MSN: variants seen among roughly 807,000 people sequenced by gnomAD.
MSN encodes epididymis luminal protein 70.
A neutral mutation model predicts 48.0 loss-of-function variants in MSN; 2 were observed. The ratio of observed to expected loss-of-function variants is 0.04; its 90% CI spans 0.02 to 0.13. The LOEUF (loss-of-function observed/expected upper bound fraction) is 0.13. Ranked by LOEUF, MSN falls within the 10% of genes least tolerant of loss-of-function variation. MSN has a pLI of 1.00. For missense variants in MSN, 267 were observed against 470.1 expected, an observed-to-expected ratio of 0.57 and a Z score of 3.99; for synonymous variants, 146 against 166.9, an observed-to-expected ratio of 0.87 and a Z score of 0.97.
chrX:65,691,101 G>A (rs1374081956), intron 1 of MSN, among the ~76,000 whole-genome samples: 1 of 111,070 alleles, frequency 9.0e-6, no homozygotes, highest in African/African-American at 3.3e-5. Context: ...AAGGTAACTG[G>A]GAGCTTTAGG....
Position 65,639,256 on chromosome X carries a change from G to A in MSN, c.-22+50644G>A, listed in dbSNP as rs189071952. ...CTTCCCAGGTTCAAGCAATCCTCCT[G>A]CCTCAGCCTTCTGAGTAGCTGGGAT... On this transcript the variant is annotated intron_variant, in intron 1 of 3. Transcript: ENST00000609672. Among the ~76,000 whole-genome samples the A allele has an allele frequency of 2.7e-5, 3 of 111,282 alleles. 1 individual carries two copies. Among genetic ancestry groups the A allele is most frequent in the African/African-American group, 9.8e-5 (3 of 30,593 alleles).
intron 1 of MSN, among the ~76,000 whole-genome samples, chrX:65,641,138 C>T (rs2070646397): frequency 9.0e-6 from 1 of 110,680 alleles, no homozygotes; most frequent in East Asian, 2.8e-4. Flanking sequence ...TGGCATAAGA[C>T]AGAAATAATA....
chrX:65,683,437 C>T (rs2071078592), intron 1 of MSN, among the ~76,000 whole-genome samples: 1 of 106,014 alleles, frequency 9.4e-6, no homozygotes. Context: ...CCACCACCAC[C>T]ACCACCCAGG....
chrX:65,622,675 C>G (rs956408354), intron 1 of MSN, among the ~76,000 whole-genome samples: 1 of 109,309 alleles, frequency 9.1e-6, no homozygotes, highest in East Asian at 2.9e-4. Flanking sequence ...CACCCCTACA[C>G]CCAGCTAGTT....
In MSN at chrX:65,740,622, G is replaced by C. The variant is rs1042722593; in HGVS notation, c.*729G>C. 27 of 172,027 alleles carry C rather than the reference G, an allele frequency of 1.6e-4. 1 individual carries two copies. Among genetic ancestry groups the C allele is most frequent in the Non-Finnish European group, 2.2e-5 (2 of 90,314 alleles). 14.2% of individuals were successfully genotyped at this position (172,027 alleles called of 1,213,427 possible). On this transcript the variant is annotated 3_prime_UTR_variant, in exon 13 of 13. Coordinates refer to ENST00000360270, the MANE Select transcript of MSN (RefSeq NM_002444.3). ...GGCCATTCTATTGTGGCAAGGCTGAGTAGAAGATCCTACCCCAATTCCTTG... is the reference window on the plus strand; with the variant it reads ...GGCCATTCTATTGTGGCAAGGCTGACTAGAAGATCCTACCCCAATTCCTTG...
At chrX:65,637,614 C>T (rs1235077376) in intron 1 of MSN, among the ~76,000 whole-genome samples, 1 of 110,502 alleles carries the variant, frequency 9.0e-6, no homozygotes, top group African/African-American at 3.3e-5. Context: ...AACCTTTGTC[C>T]TTTGTTAATT....
intron 1 of MSN, among the ~76,000 whole-genome samples, chrX:65,630,140 C>T (rs1374973497): frequency 9.1e-6 from 1 of 109,708 alleles, no homozygotes; most frequent in Non-Finnish European, 1.9e-5. Flanking sequence ...GATTGTGCCA[C>T]TGCACTCCAG....
chrX:65,659,630 C>T (rs1326289443), intron 1 of MSN, among the ~76,000 whole-genome samples: 1 of 111,527 alleles, frequency 9.0e-6, no homozygotes, highest in African/African-American at 3.3e-5. Flanking sequence ...TGCCCACTGA[C>T]TCAGATGCCC....
At chrX:65,624,599 C>A (rs139334947) in intron 1 of MSN, 1 of 97,211 alleles carries the variant, frequency 1.0e-5, no homozygotes, top group South Asian at 4.6e-4. Context: ...GTGGGTAAAG[C>A]GAAGTTGTTG....
intron 2 of MSN, among the ~76,000 whole-genome samples, chrX:65,720,395 G>A (rs966448526): frequency 1.8e-5 from 2 of 112,252 alleles, no homozygotes; most frequent in African/African-American, 6.5e-5. Context: ...GAAGGAGGGG[G>A]GCAGTCACAT....
chrX:65,603,941 T>C (rs186856098), intron 1 of MSN, among the ~76,000 whole-genome samples: 12 of 112,487 alleles, frequency 1.1e-4, no homozygotes, highest in Non-Finnish European at 1.7e-4. Flanking sequence ...GAGATCATTG[T>C]TATCACTATC....
At chrX:65,649,607 G>T (rs866046725) in intron 1 of MSN, among the ~76,000 whole-genome samples, 14 of 97,227 alleles carry the variant, frequency 1.4e-4, no homozygotes, top group African/African-American at 3.2e-4. Flanking sequence ...ATATATATTT[G>T]TGTGTGTGTG....
intron 1 of MSN, among the ~76,000 whole-genome samples, chrX:65,611,124 A>G (rs977025152): frequency 9.1e-6 from 1 of 109,392 alleles, no homozygotes; most frequent in African/African-American, 3.4e-5. Flanking sequence ...AAGTTAAATT[A>G]TACAGTTTCT....
intron 1 of MSN, among the ~76,000 whole-genome samples, chrX:65,620,665 T>C (rs945287957): frequency 1.2e-4 from 13 of 112,279 alleles, no homozygotes; most frequent in African/African-American, 4.2e-4. Flanking sequence ...AAATCACCCG[T>C]CTTCTGCGTC....
At chrX:65,664,744 C>T (rs1014041411), upstream of MSN, among the ~76,000 whole-genome samples, 1 of 104,598 alleles carries the variant, frequency 9.6e-6, no homozygotes, top group African/African-American at 3.5e-5. Context: ...GACTTCTATG[C>T]CCCCTTTCTT....
Position 65,670,896 on chromosome X carries a change from TTATATATA to T in MSN, c.12+3095_12+3102del, listed in dbSNP as rs57076717. 9.7e-3 allele frequency among the ~76,000 whole-genome samples: 136 copies of T among 13,989 alleles called. 2 individuals are homozygous for T. Among genetic ancestry groups the T allele is most frequent in the South Asian group, 0.014 (2 of 147 alleles). The allele number at this position is 13,989 out of a possible 115,157, so 12.1% of individuals were successfully genotyped here. ...CTACATTTTTTGGTGATGATGACAG[TTATATATA>T]TATATATATATATATATATATATAT... On this transcript the variant is annotated intron_variant, in intron 1 of 12. Transcript: ENST00000360270.
intron 1 of MSN, among the ~76,000 whole-genome samples, chrX:65,607,582 G>C (rs756706123): frequency 9.0e-5 from 10 of 111,664 alleles, no homozygotes; most frequent in Admixed American, 4.8e-4. Flanking sequence ...AAGGCACTGA[G>C]AGTTAACTTC....
At chrX:65,739,245 G>T in intron 12 of MSN, 51 bp downstream of exon 12, 1 of 1,078,767 alleles carries the variant, frequency 9.3e-7, no homozygotes, top group African/African-American at 1.8e-5. Flanking sequence ...TGATTTAGTA[G>T]CCCATGGCAT....
chrX:65,683,177 TGCTCA>T (rs2071074394), intron 1 of MSN, among the ~76,000 whole-genome samples: 1 of 112,166 alleles, frequency 8.9e-6, no homozygotes, highest in Non-Finnish European at 1.9e-5. Flanking sequence ...GTGTTTGTGC[TGCTCA>T]TTATGGCATG....
Sources: gnomAD v4.1 joint callset for allele counts (sites outside exome capture counted in the v4.1 genomes callset) on GRCh38, gnomAD v4.1.1 for gene constraint, MANE v1.5 for transcripts, NCBI Gene and HGNC (gene_info 2026-07-23, HGNC 2026-07-21) for gene names.